Variants in SLC24A3 observed in about 807,000 individuals in gnomAD.
SLC24A3 encodes sodium/potassium/calcium exchanger 3.
SLC24A3 carries 28 observed loss-of-function variants against 75.8 expected under a neutral mutation model. The ratio of observed to expected loss-of-function variants is 0.37; its 90% CI spans 0.27 to 0.51. The LOEUF (loss-of-function observed/expected upper bound fraction) is 0.51, where lower values mean the gene tolerates loss of function less well. Ranked by LOEUF, SLC24A3 falls within the 20% of genes least tolerant of loss-of-function variation. The pLI is 0.94. For missense variants in SLC24A3, 663 were observed against 847.8 expected (o/e 0.78, Z 2.71); for synonymous variants, 372 against 334.1 (o/e 1.11, Z -1.24).
chr20:19,696,971 AAGGG>A (rs80191125), intron 14 of SLC24A3, 60 bp downstream of exon 14: 23 of 305,190 alleles, frequency 7.5e-5, no homozygotes, highest in African/African-American at 2.0e-4. Context: ...GGGAGGGAAG[AAGGG>A]AGGGAGGGAG....
At chr20:19,359,024 G>A (rs922417087) in intron 2 of SLC24A3, among the ~76,000 whole-genome samples, 2 of 152,126 alleles carry the variant, frequency 1.3e-5, no homozygotes, top group African/African-American at 4.8e-5. Context: ...TCATTCATTG[G>A]TGGACATTTG....
rs149655536 is a variant in SLC24A3 at position 19,313,556 on chromosome 20, G to A, written c.271+32469G>A. Among the ~76,000 whole-genome samples the A allele has an allele frequency of 2.5e-3, 378 of 152,304 alleles. 4 individuals carry two copies. Among genetic ancestry groups the A allele is most frequent in the African/African-American group, 8.8e-3 (364 of 41,582 alleles). On this transcript the variant is annotated intron_variant, in intron 2 of 16. Transcript: ENST00000328041. Reference sequence around the variant, plus strand: ...CTAGGCTGGAACCCAGCCTGTTCTGGGTCAGTGGCCCATTTCAGCTCTGAG... The same window carrying A: ...CTAGGCTGGAACCCAGCCTGTTCTGAGTCAGTGGCCCATTTCAGCTCTGAG...
At chr20:19,615,033 C>A (rs958645974) in intron 6 of SLC24A3, among the ~76,000 whole-genome samples, 2 of 147,386 alleles carry the variant, frequency 1.4e-5, no homozygotes, top group African/African-American at 4.9e-5. Flanking sequence ...ACTATGTGGT[C>A]TTTAGCTTCA....
chr20:19,712,461 C>T (rs1255954539), intron 15 of SLC24A3, among the ~76,000 whole-genome samples: 2 of 152,052 alleles, frequency 1.3e-5, no homozygotes, highest in Non-Finnish European at 2.9e-5. Context: ...GGCAAAAGGA[C>T]TTATGGCAGG....
chr20:19,453,370 T>C (rs1987524194), intron 2 of SLC24A3, among the ~76,000 whole-genome samples: 1 of 152,122 alleles, frequency 6.6e-6, no homozygotes, highest in South Asian at 2.1e-4. Flanking sequence ...AAAAGTGTGA[T>C]TTATGGCTTT....
chr20:19,438,862 A>G (rs1158656676), intron 2 of SLC24A3, among the ~76,000 whole-genome samples: 1 of 152,208 alleles, frequency 6.6e-6, no homozygotes, highest in East Asian at 1.9e-4. Context: ...TGGCATCCCC[A>G]CAGGGTAGGC....
At chr20:19,486,847 C>T (rs990501985) in intron 2 of SLC24A3, among the ~76,000 whole-genome samples, 3 of 152,184 alleles carry the variant, frequency 2.0e-5, no homozygotes, top group South Asian at 2.1e-4. Context: ...TCAATAAAGA[C>T]GTGCTACTGC....
chr20:19,366,073 G>A (rs1307833617), intron 2 of SLC24A3, among the ~76,000 whole-genome samples: 3 of 151,850 alleles, frequency 2.0e-5, no homozygotes, highest in Non-Finnish European at 4.4e-5. Flanking sequence ...CAACCCTCAT[G>A]ATTAACTTGC....
Position 19,690,062 on chromosome 20 carries a change from G to C in SLC24A3, c.1325-3197G>C, listed in dbSNP as rs1162522373. Among the ~76,000 whole-genome samples, 5 of 121,706 alleles carry C rather than the reference G, an allele frequency of 4.1e-5. No individual in the cohort carries two copies. In the East Asian group the frequency reaches 7.9e-4, roughly 19 times the overall value. 79.8% of individuals were successfully genotyped at this position (121,706 alleles called of 152,430 possible). On this transcript the variant is annotated intron_variant, in intron 12 of 16. Coordinates refer to ENST00000328041, the MANE Select transcript of SLC24A3 (RefSeq NM_020689.4). ...AAAAAAAAAAAAAAAGGAAAATTAA[G>C]ACCAGCTAAAATGTGGGTGATCTTT...
intron 1 of SLC24A3, among the ~76,000 whole-genome samples, chr20:19,222,783 C>CCCTCCCTT (rs759160442): frequency 6.3e-4 from 48 of 75,858 alleles, no homozygotes; most frequent in Non-Finnish European, 9.8e-4. Flanking sequence ...TCCCCTCCCT[C>CCCTCCCTT]CCTTCCTTCC....
At chr20:19,216,347 A>G (rs1349393896) in intron 1 of SLC24A3, among the ~76,000 whole-genome samples, 2 of 152,188 alleles carry the variant, frequency 1.3e-5, no homozygotes, top group Non-Finnish European at 2.9e-5. Context: ...ACTGAGGAGT[A>G]ATTCTAGACT....
At chr20:19,469,687 T>C (rs899198054) in intron 2 of SLC24A3, among the ~76,000 whole-genome samples, 2 of 152,190 alleles carry the variant, frequency 1.3e-5, no homozygotes, top group African/African-American at 2.4e-5. Flanking sequence ...TGAGAGTCAA[T>C]GTACTTCTTG....
intron 2 of SLC24A3, among the ~76,000 whole-genome samples, chr20:19,370,923 T>C (rs1372612240): frequency 6.6e-6 from 1 of 152,094 alleles, no homozygotes; most frequent in Non-Finnish European, 1.5e-5. Context: ...TCTCATCCTT[T>C]AGTGTAATAT....
At chr20:19,462,386 A>G (rs548679339) in intron 2 of SLC24A3, among the ~76,000 whole-genome samples, 36 of 151,908 alleles carry the variant, frequency 2.4e-4, no homozygotes, top group African/African-American at 8.7e-4. Context: ...CAGCCTCCCT[A>G]GTAGGGACTA....
intron 1 of SLC24A3, among the ~76,000 whole-genome samples, chr20:19,260,332 A>G (rs1982943687): frequency 6.6e-6 from 1 of 152,166 alleles, no homozygotes; most frequent in Non-Finnish European, 1.5e-5. Context: ...CCAGCTCTCA[A>G]AGCTGTTGTA....
chr20:19,641,224 A>G (rs1011266249), intron 6 of SLC24A3, among the ~76,000 whole-genome samples: 3 of 152,126 alleles, frequency 2.0e-5, no homozygotes, highest in African/African-American at 7.2e-5. Context: ...CCCTGGCCTC[A>G]AGTTCAGCCC....
At chr20:19,419,642 A>C (rs999690568) in intron 2 of SLC24A3, among the ~76,000 whole-genome samples, 4 of 151,918 alleles carry the variant, frequency 2.6e-5, no homozygotes, top group African/African-American at 9.7e-5. Flanking sequence ...AGGGGCTGGG[A>C]AAAGGGTGTG....
chr20:19,639,738 C>T (rs1359961790), intron 6 of SLC24A3, among the ~76,000 whole-genome samples: 1 of 152,234 alleles, frequency 6.6e-6, no homozygotes, highest in Admixed American at 6.5e-5. Flanking sequence ...GGGTGGGAGG[C>T]TCAGGCATGG....
chr20:19,585,135 G>A (rs560407120), intron 5 of SLC24A3, 80 bp downstream of exon 5: 14 of 1,250,340 alleles, frequency 1.1e-5, no homozygotes, highest in South Asian at 4.0e-5. Flanking sequence ...CCCCCAGACC[G>A]AGATTGTCTG....
Sources: allele counts gnomAD v4.1 joint callset (sites outside exome capture counted in the v4.1 genomes callset), GRCh38; gene constraint gnomAD v4.1.1; transcripts MANE v1.5; gene names NCBI Gene and HGNC (gene_info 2026-07-23, HGNC 2026-07-21).